ZFPM2: variants seen among roughly 807,000 people sequenced by gnomAD.
ZFPM2 encodes zinc finger protein ZFPM2.
In ZFPM2, 20 loss-of-function variants were observed where a neutral mutation model predicts 98.6. The observed-to-expected ratio is 0.20, with a 90% CI of 0.14 to 0.29. The LOEUF (loss-of-function observed/expected upper bound fraction) is 0.29, where lower values mean the gene tolerates loss of function less well. Among genes scored for constraint, ZFPM2 ranks in the 10% least tolerant of loss-of-function variants. The pLI is 1.00. For missense variants in ZFPM2, 1,310 were observed against 1,388.6 expected (o/e 0.94, Z 0.90); for synonymous variants, 518 against 502.7 (o/e 1.03, Z -0.41).
intron 4 of ZFPM2, among the ~76,000 whole-genome samples, chr8:105,623,543 A>C (rs1477538266): frequency 6.6e-6 from 1 of 152,092 alleles, no homozygotes; most frequent in Admixed American, 6.5e-5. Context: ...TTTTTGGCAG[A>C]GGATTGGCTG....
intron 4 of ZFPM2, among the ~76,000 whole-genome samples, chr8:105,589,129 A>G (rs1349504489): frequency 6.6e-6 from 1 of 152,186 alleles, no homozygotes; most frequent in Non-Finnish European, 1.5e-5. Flanking sequence ...AACTCCATGG[A>G]GCCCCCTCTA....
chr8:105,604,267 A>G (rs1184859495), intron 4 of ZFPM2, among the ~76,000 whole-genome samples: 1 of 151,990 alleles, frequency 6.6e-6, no homozygotes, highest in Non-Finnish European at 1.5e-5. Context: ...CAGCAAGTCA[A>G]TGAATTTCGC....
intron 1 of ZFPM2, among the ~76,000 whole-genome samples, chr8:105,333,259 C>T (rs903345992): frequency 2.0e-5 from 3 of 151,718 alleles, no homozygotes; most frequent in Non-Finnish European, 4.4e-5. Context: ...ATAACAACAT[C>T]GTAGCTGATG....
At chr8:105,787,315 AGTT>A (rs772888507) in intron 5 of ZFPM2, 2 of 152,226 alleles carry the variant, frequency 1.3e-5, no homozygotes, top group Non-Finnish European at 2.9e-5. Context: ...CGTGAAAAGT[AGTT>A]GTTTTACTTT....
intron 2 of ZFPM2, among the ~76,000 whole-genome samples, chr8:105,422,448 A>AAATAATAAT (rs35747182): frequency 6.6e-6 from 1 of 151,264 alleles, no homozygotes; most frequent in South Asian, 2.1e-4. Flanking sequence ...CTCAAAAAGA[A>AAATAATAAT]AATAATAATA....
At chr8:105,323,899 G>C (rs1367680122) in intron 1 of ZFPM2, among the ~76,000 whole-genome samples, 2 of 151,746 alleles carry the variant, frequency 1.3e-5, no homozygotes, top group African/African-American at 2.4e-5. Context: ...TTCCACTTCT[G>C]GTAACTTTCA....
At chr8:105,404,164 C>T (rs1159523497) in intron 1 of ZFPM2, among the ~76,000 whole-genome samples, 2 of 152,120 alleles carry the variant, frequency 1.3e-5, no homozygotes, top group Non-Finnish European at 2.9e-5. Context: ...CTTTCCAGAG[C>T]TGAGAATATG....
intron 1 of ZFPM2, among the ~76,000 whole-genome samples, chr8:105,336,342 A>C (rs2129643214): frequency 6.6e-6 from 1 of 151,868 alleles, no homozygotes; most frequent in South Asian, 2.1e-4. Flanking sequence ...ATGCACTGAT[A>C]AACTTTTCTA....
intron 1 of ZFPM2, among the ~76,000 whole-genome samples, chr8:105,328,680 T>C (rs1198436054): frequency 6.6e-6 from 1 of 151,890 alleles, no homozygotes; most frequent in Non-Finnish European, 1.5e-5. Context: ...TTCTAAGTTA[T>C]TTTTATTTAT....
chr8:105,581,776 C>A (rs867418276), intron 4 of ZFPM2, among the ~76,000 whole-genome samples: 2 of 152,184 alleles, frequency 1.3e-5, no homozygotes, highest in African/African-American at 4.8e-5. Context: ...CTATGATTCT[C>A]ACCACCTTGT....
chr8:105,449,661 T>G (rs1812447162), intron 3 of ZFPM2, among the ~76,000 whole-genome samples: 1 of 152,010 alleles, frequency 6.6e-6, no homozygotes, highest in Admixed American at 6.6e-5. Flanking sequence ...TCCCTCTGTT[T>G]ATATCTTGGT....
intron 1 of ZFPM2, among the ~76,000 whole-genome samples, chr8:105,411,053 AAAT>A (rs1811566989): frequency 6.6e-6 from 1 of 151,890 alleles, no homozygotes; most frequent in Non-Finnish European, 1.5e-5. Flanking sequence ...ACGATAGTAA[AAAT>A]AATAATAATT....
At chr8:105,775,310 C>G (rs945990726) in intron 5 of ZFPM2, among the ~76,000 whole-genome samples, 1 of 151,970 alleles carries the variant, frequency 6.6e-6, no homozygotes, top group East Asian at 1.9e-4. Context: ...ATTTCCCCCC[C>G]TCCCCTCTTC....
chr8:105,628,769 TC>T (rs973731847), intron 4 of ZFPM2, among the ~76,000 whole-genome samples: 9 of 151,868 alleles, frequency 5.9e-5, no homozygotes, highest in African/African-American at 2.2e-4. Flanking sequence ...GACAATAAAA[TC>T]CCCTGCATTT....
chr8:105,487,695 C>T (rs1321698606), intron 3 of ZFPM2, among the ~76,000 whole-genome samples: 1 of 151,008 alleles, frequency 6.6e-6, no homozygotes, highest in Non-Finnish European at 1.5e-5. Flanking sequence ...GTATCTGGCA[C>T]ATAATAGGAA....
chr8:105,398,866 A>G (rs1415723625), intron 1 of ZFPM2, among the ~76,000 whole-genome samples: 3 of 152,198 alleles, frequency 2.0e-5, no homozygotes, highest in Non-Finnish European at 2.9e-5. Flanking sequence ...AGCCATCACA[A>G]TAAAAACTGT....
chr8:105,717,409 AC>A (rs1811549389), intron 5 of ZFPM2, among the ~76,000 whole-genome samples: 1 of 151,992 alleles, frequency 6.6e-6, no homozygotes, highest in South Asian at 2.1e-4. Flanking sequence ...CCTAGTATTT[AC>A]TAAGACTCAT....
intron 5 of ZFPM2, among the ~76,000 whole-genome samples, chr8:105,747,972 C>T (rs1377564862): frequency 2.0e-5 from 3 of 151,988 alleles, no homozygotes; most frequent in South Asian, 2.1e-4. Context: ...ATGTATGTAG[C>T]GTTTGGTATA....
intron 5 of ZFPM2, among the ~76,000 whole-genome samples, chr8:105,751,484 C>A (rs1435082841): frequency 6.6e-6 from 1 of 152,030 alleles, no homozygotes; most frequent in African/African-American, 2.4e-5. Flanking sequence ...TAAGCATATA[C>A]TCTGACCTCA....
Sources: allele counts gnomAD v4.1 joint callset (sites outside exome capture counted in the v4.1 genomes callset), GRCh38; gene constraint gnomAD v4.1.1; transcripts MANE v1.5; gene names NCBI Gene and HGNC (gene_info 2026-07-23, HGNC 2026-07-21).